The following URAD variants were observed in gnomAD, a reference collection of about 807,000 sequenced individuals.
URAD encodes the protein ureidoimidazoline (2-oxo-4-hydroxy-4-carboxy-5-) decarboxylase, also known as putative 2-oxo-4-hydroxy-4-carboxy-5-ureidoimidazoline decarboxylase.
In URAD, 4 loss-of-function variants were observed where a neutral mutation model predicts 4.6. That is an observed-to-expected ratio of 0.87 (90% CI 0.43 to 1.98). The LOEUF is 1.98. Among genes scored for constraint, URAD ranks in the 30% most tolerant of loss-of-function variants. The pLI, the probability that URAD is intolerant of heterozygous loss-of-function variation, is 0.03. For missense variants in URAD, 300 were observed against 255.3 expected (o/e 1.18, Z -1.19); for synonymous variants, 144 against 118.2 (o/e 1.22, Z -1.41).
intron 1 of URAD, 42 bp downstream of exon 1, chr13:27,988,421 T>C: frequency 6.5e-7 from 1 of 1,535,144 alleles, no homozygotes; most frequent in Non-Finnish European, 8.8e-7. Flanking sequence ...ACAAGCATAT[T>C]TGAAATCCCT....
In URAD at chr13:27,978,283, G is replaced by A. The variant is rs750217632; in HGVS notation, c.345C>T (p.Phe115=). Residue 115 remains phenylalanine (F), a synonymous_variant, in exon 2 of 2, where the codon TTC becomes TTT. Transcript: ENST00000332715. ...AELNAQYRAR[F]GFPFVLAARF... ...GCGCGGCGAGCACGAAGGGGAAACC[G>A]AAGCGCGCGCGGTACTGCGCGTTGA... 1.8e-5 allele frequency: 26 copies of A among 1,420,960 alleles called. No individual in the cohort carries two copies. Among genetic ancestry groups the A allele is most frequent in the Middle Eastern group, 3.9e-4 (2 of 5,096 alleles). The allele number at this position is 1,420,960 out of a possible 1,614,324, so 88.0% of individuals were successfully genotyped here. A position where few individuals can be genotyped will look rare whatever the true frequency, so the allele number is the denominator to read the frequency against.
chr13:27,977,932 G>T lies in URAD; in HGVS notation c.*174C>A. 1 of 541,184 alleles carries T rather than the reference G, an allele frequency of 1.8e-6. No homozygotes were observed. Among genetic ancestry groups the T allele is most frequent in the South Asian group, 3.0e-5 (1 of 33,464 alleles). 33.5% of individuals were successfully genotyped at this position (541,184 alleles called of 1,614,324 possible). A position where few individuals can be genotyped will look rare whatever the true frequency, so the allele number is the denominator to read the frequency against. On this transcript the variant is annotated 3_prime_UTR_variant, in exon 2 of 2. Transcript: ENST00000332715. ...TTTGGCAACGCGTGCGCGTGTGGGT[G>T]GGCGGACAAAAGGACTCATTACTCG...
At chr13:27,980,258 G>C (rs962977024) in intron 1 of URAD, among the ~76,000 whole-genome samples, 12 of 152,204 alleles carry the variant, frequency 7.9e-5, no homozygotes, top group African/African-American at 2.9e-4. Context: ...CCTTCTGGTA[G>C]GTGTCCTGCC....
Position 27,982,177 on chromosome 13 carries a change from TC to T in URAD, c.176-3726del, listed in dbSNP as rs1351793208. On this transcript the variant is annotated intron_variant, in intron 1 of 1. Transcript: ENST00000332715. The stretch of plus-strand genomic sequence containing the variant: ...CGGGCACAGTGACTCATGCCTGTAA[TC>T]CCAGCACTTTGGGAGGCCGAGGCGG... Among the ~76,000 whole-genome samples, 9 of 152,294 alleles carry T rather than the reference TC, an allele frequency of 5.9e-5. No homozygotes were observed. The East Asian group carries it at 1.7e-3, about 29-fold the overall frequency.
chr13:27,978,503 G>T (rs1869785734), intron 1 of URAD, 51 bp from the exon 2 acceptor site: 1 of 1,241,968 alleles, frequency 8.1e-7, no homozygotes, highest in East Asian at 3.2e-5. Context: ...CGCCCGTCCC[G>T]CACCGCGCAC....
chr13:27,979,696 G>T (rs1195196175), intron 1 of URAD, among the ~76,000 whole-genome samples: 1 of 152,176 alleles, frequency 6.6e-6, no homozygotes, highest in Admixed American at 6.5e-5. Context: ...AGGCGCGCAC[G>T]TAAAACACCG....
Position 27,978,128 on chromosome 13 carries a change from C to T in URAD, c.500G>A (p.Arg167His), listed in dbSNP as rs758230903. ...IGSLRLADLL[R>H]ADPAKL ...CAGCTACAGCTTGGCGGGGTCTGCG[C>T]GGAGGAGGTCGGCCAGGCGCAGGCT... The change falls in exon 2 of 2, where the codon CGC becomes CAC. Residue 167 changes from arginine (R) to histidine (H), a missense_variant. Physicochemically the swap from Arg to His is conservative, Grantham distance 29. Coordinates refer to ENST00000332715, the MANE Select transcript of URAD (RefSeq NM_001105577.2). The T allele has an allele frequency of 1.2e-5, 18 of 1,525,946 alleles. No individual in the cohort carries two copies. The East Asian group carries it at 4.1e-4, about 35-fold the overall frequency. 94.5% of individuals were successfully genotyped at this position (1,525,946 alleles called of 1,614,324 possible). A position where few individuals can be genotyped will look rare whatever the true frequency, so the allele number is the denominator to read the frequency against.
chr13:27,986,810 T>C (rs1030197820), intron 1 of URAD, among the ~76,000 whole-genome samples: 2 of 152,168 alleles, frequency 1.3e-5, no homozygotes, highest in African/African-American at 4.8e-5. Flanking sequence ...CTCCGGGGCC[T>C]CCTGCTCCTT....
intron 1 of URAD, among the ~76,000 whole-genome samples, chr13:27,978,915 C>T (rs1446290241): frequency 6.6e-6 from 1 of 151,998 alleles, no homozygotes. Context: ...GGGCCGGACG[C>T]AAGGGCCTGA....
In URAD at chr13:27,978,138, C is replaced by T; in HGVS notation, c.490G>A (p.Asp164Asn). The T allele has an allele frequency of 2.6e-6, 4 of 1,529,000 alleles. No homozygotes were observed. In the South Asian group the frequency reaches 3.6e-5, roughly 14 times the overall value. The allele number at this position is 1,529,000 out of a possible 1,614,324, so 94.7% of individuals were successfully genotyped here. A position where few individuals can be genotyped will look rare whatever the true frequency, so the allele number is the denominator to read the frequency against. The change falls in exon 2 of 2, where the codon GAC becomes AAC. Residue 164 changes from aspartate (D) to asparagine (N), a missense_variant. Physicochemically the swap from Asp to Asn is conservative, Grantham distance 23. Transcript: ENST00000332715. ...VKKIGSLRLA[D>N]LLRADPAKL ...TTGGCGGGGTCTGCGCGGAGGAGGT[C>T]GGCCAGGCGCAGGCTGCCGATCTTC... is the stretch of plus-strand genomic sequence containing the variant.
At chr13:27,979,681 G>A (rs751687029) in intron 1 of URAD, among the ~76,000 whole-genome samples, 2 of 152,154 alleles carry the variant, frequency 1.3e-5, no homozygotes, top group African/African-American at 4.8e-5. Flanking sequence ...GGGGTCTGTT[G>A]GAAAAGGCGC....
In URAD at chr13:27,978,386, G is replaced by A. The variant is rs1370295444; in HGVS notation, c.242C>T (p.Thr81Met). The A allele has an allele frequency of 2.1e-6, 3 of 1,401,950 alleles. No homozygotes were observed. Among genetic ancestry groups the A allele is most frequent in the African/African-American group, 1.5e-5 (1 of 66,316 alleles). 86.8% of individuals were successfully genotyped at this position (1,401,950 alleles called of 1,614,324 possible). The change falls in exon 2 of 2, where the codon ACG becomes ATG. Residue 81 changes from threonine (T) to methionine (M), a missense_variant. By Grantham distance (81) the Thr-to-Met change is moderately conservative. Coordinates refer to ENST00000332715, the MANE Select transcript of URAD (RefSeq NM_001105577.2). ...GCTCTGTTCCCGCTGCGACTCGGCC[G>A]TGAGCGTGCCCCGCTGCAGCTCGCT... ...AGSELQRGTL[T>M]AESQREQSGA... is the part of the protein sequence containing the mutation.
intron 1 of URAD, among the ~76,000 whole-genome samples, chr13:27,987,216 G>A (rs975144943): frequency 3.9e-5 from 6 of 152,074 alleles, no homozygotes; most frequent in Admixed American, 3.9e-4. Flanking sequence ...TGTCCACAGA[G>A]GCCTCTCTGC....
intron 1 of URAD, among the ~76,000 whole-genome samples, chr13:27,988,179 G>A (rs1593193560): frequency 6.6e-6 from 1 of 152,108 alleles, no homozygotes; most frequent in African/African-American, 2.4e-5. Flanking sequence ...GGATGGTCTC[G>A]ATCTCCTGAC....
chr13:27,978,051 G>C lies in URAD; in HGVS notation c.*55C>G. ...TCCCGCCCAGGACGCACAGCTCCGG[G>C]CCGTGGCCCCCGCGCGTCCGGTTGT... On this transcript the variant is annotated 3_prime_UTR_variant, in exon 2 of 2. Coordinates refer to ENST00000332715, the MANE Select transcript of URAD (RefSeq NM_001105577.2). 3 of 1,374,682 alleles carry C rather than the reference G, an allele frequency of 2.2e-6. No homozygotes were observed. Among genetic ancestry groups the C allele is most frequent in the Non-Finnish European group, 2.8e-6 (3 of 1,064,842 alleles). The allele number at this position is 1,374,682 out of a possible 1,614,324, so 85.2% of individuals were successfully genotyped here.
At chr13:27,979,393 A>C (rs1202591191) in intron 1 of URAD, among the ~76,000 whole-genome samples, 1 of 152,206 alleles carries the variant, frequency 6.6e-6, no homozygotes, top group Non-Finnish European at 1.5e-5. Flanking sequence ...TCAGCTCTCT[A>C]AAGTGAAAAT....
At position 27,977,734 on chromosome 13, in the gene URAD, C is replaced by T. The variant is rs995638242; in HGVS notation, c.*372G>A. The T allele has an allele frequency of 4.1e-6, 1 of 244,748 alleles. No homozygotes were observed. The highest frequency in any genetic ancestry group is 8.1e-5 in the East Asian group (1 of 12,302). 15.2% of individuals were successfully genotyped at this position (244,748 alleles called of 1,614,324 possible). The stretch of plus-strand genomic sequence containing the variant: ...CAAACCGCTGTGGCATAAAAGATTC[C>T]TTTTCCGTCCGTTTTGCTTTGCAGT... On this transcript the variant is annotated 3_prime_UTR_variant, in exon 2 of 2. Transcript: ENST00000332715.
Position 27,982,227 on chromosome 13 carries a change from G to A in URAD, c.176-3775C>T, listed in dbSNP as rs1032602178. 2.4e-4 allele frequency among the ~76,000 whole-genome samples: 37 copies of A among 152,268 alleles called. 1 individual carries two copies. Among genetic ancestry groups the A allele is most frequent in the African/African-American group, 8.4e-4 (35 of 41,554 alleles). Reference sequence around the variant, plus strand: ...GGGTGGATCACCAGGTCAGGAGTTCGAGACCAGCCTGACCAACGTGGTGAA... The same window carrying A: ...GGGTGGATCACCAGGTCAGGAGTTCAAGACCAGCCTGACCAACGTGGTGAA... On this transcript the variant is annotated intron_variant, in intron 1 of 1. Transcript: ENST00000332715.
chr13:27,978,272 A>G lies in URAD; in HGVS notation c.356T>C (p.Phe119Ser). The G allele has an allele frequency of 3.5e-6, 5 of 1,430,216 alleles. No individual in the cohort carries two copies. Among genetic ancestry groups the G allele is most frequent in the Non-Finnish European group, 3.6e-6 (4 of 1,101,458 alleles). The allele number at this position is 1,430,216 out of a possible 1,614,324, so 88.6% of individuals were successfully genotyped here. A position where few individuals can be genotyped will look rare whatever the true frequency, so the allele number is the denominator to read the frequency against. Residue 119 changes from phenylalanine to serine, a missense_variant, in exon 2 of 2, where the codon TTC becomes TCC. Coordinates refer to ENST00000332715, the MANE Select transcript of URAD (RefSeq NM_001105577.2). ...GTCGCTGAAGCGCGCGGCGAGCACG[A>G]AGGGGAAACCGAAGCGCGCGCGGTA... ...AQYRARFGFP[F>S]VLAARFSDRT...
Sources: allele counts gnomAD v4.1 joint callset (sites outside exome capture counted in the v4.1 genomes callset), GRCh38; gene constraint gnomAD v4.1.1; transcripts MANE v1.5; gene names NCBI Gene and HGNC (gene_info 2026-07-23, HGNC 2026-07-21).